The following CASTOR2 variants were observed in gnomAD, a reference collection of about 807,000 sequenced individuals.
The protein encoded by CASTOR2 is GATS protein like 2.
Under a neutral mutation model 31.2 loss-of-function variants are expected in CASTOR2, and 8 were observed. The ratio of observed to expected loss-of-function variants is 0.26; its 90% CI spans 0.15 to 0.46. The LOEUF is 0.46. Among genes scored for constraint, CASTOR2 ranks in the 20% least tolerant of loss-of-function variants. The pLI, the probability that CASTOR2 is intolerant of heterozygous loss-of-function variation, is 0.99. For synonymous variants in CASTOR2, 162 were observed against 158.7 expected, an observed-to-expected ratio of 1.02 and a Z score of -0.16; for missense variants, 216 against 382.1, an observed-to-expected ratio of 0.57 and a Z score of 3.62.
intron 1 of CASTOR2, among the ~76,000 whole-genome samples, chr7:74,994,902 G>A (rs1804304078): frequency 6.6e-6 from 1 of 152,182 alleles, no homozygotes; most frequent in African/African-American, 2.4e-5. Flanking sequence ...AGGACCCCTT[G>A]AGAGCTGCCT....
intron 2 of CASTOR2, among the ~76,000 whole-genome samples, chr7:75,016,196 G>A (rs1450831160): frequency 2.0e-5 from 3 of 152,192 alleles, no homozygotes; most frequent in African/African-American, 4.8e-5. Context: ...GAAGAGCCCC[G>A]AATGCAGCCT....
intron 1 of CASTOR2, among the ~76,000 whole-genome samples, chr7:74,997,200 C>T (rs1187384990): frequency 6.6e-6 from 1 of 151,790 alleles, no homozygotes; most frequent in African/African-American, 2.4e-5. Flanking sequence ...ACTACAGGTG[C>T]ATGTTACCAG....
intron 1 of CASTOR2, among the ~76,000 whole-genome samples, chr7:74,991,426 C>A (rs34861630): frequency 0.64 from 97,046 of 150,698 alleles, 33,048 homozygotes; most frequent in East Asian, 0.88. Context: ...CCCCCAGTGC[C>A]CCTACCCACC....
At position 75,017,611 on chromosome 7, in the gene CASTOR2, G is replaced by A. The variant is rs1335358994; in HGVS notation, c.198G>A (p.Ser66=). Residue 66 remains serine, a synonymous_variant, in exon 3 of 9, where the codon TCG becomes TCA. Coordinates refer to ENST00000616305, the MANE Select transcript of CASTOR2 (RefSeq NM_001145064.3). The part of the protein sequence containing the change: ...DEEGFLELPS[S]EHLSVADATW... The stretch of plus-strand genomic sequence containing the variant: ...GTCTCCCTCCAGAGCTGCCCTCCTC[G>A]GAGCACCTGAGTGTGGCAGATGCCA... 25 of 1,613,932 alleles carry A rather than the reference G, an allele frequency of 1.5e-5. No homozygotes were observed. Among genetic ancestry groups the A allele is most frequent in the South Asian group, 5.5e-5 (5 of 91,076 alleles).
chr7:74,992,581 A>T (rs1399132819), intron 1 of CASTOR2, among the ~76,000 whole-genome samples: 1 of 152,138 alleles, frequency 6.6e-6, no homozygotes, highest in Non-Finnish European at 1.5e-5. Context: ...CTGGGACTAC[A>T]GGTGCAGGCC....
intron 2 of CASTOR2, among the ~76,000 whole-genome samples, chr7:75,011,698 G>GCAC (rs1364363914): frequency 7.6e-6 from 1 of 130,830 alleles, no homozygotes; most frequent in Non-Finnish European, 1.5e-5. Flanking sequence ...TCACGCCACT[G>GCAC]CACTCCAGCC....
At position 74,991,852 on chromosome 7, in the gene CASTOR2, G is replaced by A. The variant is rs587743186; in HGVS notation, c.114-16142G>A. On this transcript the variant is annotated intron_variant, in intron 1 of 8. Transcript: ENST00000616305. ...AATCATGGAGCTGGAAGCCATCCTG[G>A]GGCCCTTGGTATTATCGTGGAGACA... is the stretch of plus-strand genomic sequence containing the variant. 1.3e-4 allele frequency among the ~76,000 whole-genome samples: 20 copies of A among 152,176 alleles called. No homozygotes were observed. In the East Asian group the frequency reaches 3.9e-3, roughly 29 times the overall value.
At chr7:74,985,526 A>G (rs1804041260) in intron 1 of CASTOR2, among the ~76,000 whole-genome samples, 1 of 147,568 alleles carries the variant, frequency 6.8e-6, no homozygotes, top group East Asian at 2.0e-4. Flanking sequence ...GGCTGCAGTA[A>G]TCATGCCAGT....
In CASTOR2 at chr7:75,026,189, G is replaced by GGTTTTTTTTTTTTTTTTTTTT. The variant is rs1554440884; in HGVS notation, c.*1490_*1491insGTTTTTTTTTTTTTTTTTTTT. On this transcript the variant is annotated 3_prime_UTR_variant, in exon 9 of 9. Coordinates refer to ENST00000616305, the MANE Select transcript of CASTOR2 (RefSeq NM_001145064.3). ...CCCTGTGGTTTTGGCTCTGGCGGGG[G>GGTTTTTTTTTTTTTTTTTTTT]TTTTTTTTTTTTTTTTTGAGATGGG... Among the ~76,000 whole-genome samples the GGTTTTTTTTTTTTTTTTTTTT allele has an allele frequency of 1.7e-5, 2 of 117,742 alleles. No homozygotes were observed. Among genetic ancestry groups the GGTTTTTTTTTTTTTTTTTTTT allele is most frequent in the African/African-American group, 3.2e-5 (1 of 30,770 alleles). 77.2% of individuals were successfully genotyped at this position (117,742 alleles called of 152,430 possible).
rs1805119642 is a variant in CASTOR2, at chr7:75,026,037, C to A, written c.*1338C>A. ...CTGAGCACCGGAGGGGGTGAGGGAA[C>A]CCGAGGGCCATGGGGAGGTGGACAG... On this transcript the variant is annotated 3_prime_UTR_variant, in exon 9 of 9. Transcript: ENST00000616305. Among the ~76,000 whole-genome samples, 2 of 152,168 alleles carry A rather than the reference C, an allele frequency of 1.3e-5. No homozygotes were observed. The highest frequency in any genetic ancestry group is 4.8e-5 in the African/African-American group (2 of 41,452).
chr7:75,001,002 G>C (rs1804481579), intron 1 of CASTOR2, among the ~76,000 whole-genome samples: 1 of 152,180 alleles, frequency 6.6e-6, no homozygotes, highest in African/African-American at 2.4e-5. Flanking sequence ...CTTGTTCCCA[G>C]GCAAGCTAGC....
intron 1 of CASTOR2, among the ~76,000 whole-genome samples, chr7:74,999,636 T>G (rs1485910512): frequency 2.7e-4 from 33 of 120,410 alleles, no homozygotes; most frequent in African/African-American, 8.0e-4. Flanking sequence ...TTTTTTTTTT[T>G]GAGACGGAAT....
intron 2 of CASTOR2, among the ~76,000 whole-genome samples, chr7:75,008,757 C>T (rs11766569): frequency 0.53 from 80,389 of 151,886 alleles, 23,585 homozygotes; most frequent in East Asian, 0.89. Context: ...AAGAGGACTT[C>T]CCAGAATTCA....
intron 1 of CASTOR2, among the ~76,000 whole-genome samples, chr7:75,005,737 C>T (rs1439647476): frequency 6.6e-6 from 1 of 152,154 alleles, no homozygotes; most frequent in Non-Finnish European, 1.5e-5. Context: ...CAAATGTAAT[C>T]CCAGCACTTT....
chr7:74,995,486 T>C (rs1404815263), intron 1 of CASTOR2, among the ~76,000 whole-genome samples: 1 of 114,696 alleles, frequency 8.7e-6, no homozygotes, highest in African/African-American at 3.3e-5. Flanking sequence ...AGCAATATAG[T>C]GAGACCCTGT....
intron 1 of CASTOR2, among the ~76,000 whole-genome samples, chr7:75,005,776 G>A (rs1436664493): frequency 2.6e-5 from 4 of 152,150 alleles, no homozygotes; most frequent in Non-Finnish European, 5.9e-5. Flanking sequence ...GATTGCTTGA[G>A]GACAAGAGTT....
chr7:74,974,242 G>C (rs1304849268), intron 1 of CASTOR2, among the ~76,000 whole-genome samples: 1 of 146,746 alleles, frequency 6.8e-6, no homozygotes, highest in Non-Finnish European at 1.5e-5. Context: ...TAAGTTGTCT[G>C]CAGGGAACAA....
chr7:74,995,511 G>A (rs370814728), intron 1 of CASTOR2, among the ~76,000 whole-genome samples: 162 of 88,446 alleles, frequency 1.8e-3, no homozygotes, highest in East Asian at 2.7e-3. Flanking sequence ...ACAAAAAAAT[G>A]AAAAAAAAAA....
chr7:75,011,564 A>C (rs1335508232), intron 2 of CASTOR2, among the ~76,000 whole-genome samples: 2 of 151,582 alleles, frequency 1.3e-5, no homozygotes, highest in African/African-American at 2.4e-5. Context: ...GAAACCCCAT[A>C]TCTACTAAAA....
Sources: allele counts gnomAD v4.1 joint callset (sites outside exome capture counted in the v4.1 genomes callset), GRCh38; gene constraint gnomAD v4.1.1; transcripts MANE v1.5; gene names NCBI Gene and HGNC (gene_info 2026-07-23, HGNC 2026-07-21).